The following CNTNAP3B variants were observed in gnomAD, a reference collection of about 807,000 sequenced individuals.
CNTNAP3B encodes contactin associated protein family member 3B.
A neutral mutation model predicts 108.9 loss-of-function variants in CNTNAP3B; 25 were observed. The observed-to-expected ratio is 0.23, with a 90% CI of 0.17 to 0.32. The LOEUF is 0.32. CNTNAP3B is among the 10% of genes least tolerant of loss of function. The pLI is 1.00. For synonymous variants in CNTNAP3B, 103 were observed against 473.4 expected (o/e 0.22, Z 10.16); for missense variants, 252 against 1,210.4 (o/e 0.21, Z 11.75).
intron 2 of CNTNAP3B, among the ~76,000 whole-genome samples, chr9:42,100,118 C>A (rs572522267): frequency 0.064 from 2,931 of 45,718 alleles, 906 homozygotes; most frequent in Middle Eastern, 0.14. Context: ...CTATTAATTC[C>A]TCTCTGACTC....
chr9:42,055,785 T>A (rs796895483), intron 3 of CNTNAP3B, among the ~76,000 whole-genome samples: 9 of 107,504 alleles, frequency 8.4e-5, no homozygotes, highest in East Asian at 3.0e-4. Context: ...ATGTGCACAC[T>A]TGAAACAGAC....
intron 11 of CNTNAP3B, among the ~76,000 whole-genome samples, chr9:41,964,321 C>A (rs1446470092): frequency 5.3e-5 from 8 of 152,124 alleles, no homozygotes; most frequent in East Asian, 1.9e-4. Context: ...TTGCCAGTTT[C>A]TTTTTTTCAA....
chr9:42,016,885 T>C (rs1437853309), intron 3 of CNTNAP3B, among the ~76,000 whole-genome samples: 1 of 151,234 alleles, frequency 6.6e-6, no homozygotes, highest in Non-Finnish European at 1.5e-5. Context: ...TTATAAATCA[T>C]TTATTTTTTA....
At chr9:42,076,840 GGTA>G (rs1827503146) in intron 3 of CNTNAP3B, 26 bp downstream of exon 3, 1 of 1,537,854 alleles carries the variant, frequency 6.5e-7, no homozygotes, top group Admixed American at 1.8e-5. Context: ...TGCAGCAATA[GGTA>G]GCAATTATTG....
At chr9:42,024,194 TA>T (rs1214797844) in intron 3 of CNTNAP3B, among the ~76,000 whole-genome samples, 2 of 128,710 alleles carry the variant, frequency 1.6e-5, no homozygotes, top group East Asian at 2.7e-4. Context: ...TTTTCCTAAT[TA>T]AAAAATGTAT....
At chr9:42,028,687 AT>A (rs1263531146) in intron 3 of CNTNAP3B, among the ~76,000 whole-genome samples, 1 of 150,046 alleles carries the variant, frequency 6.7e-6, no homozygotes, top group East Asian at 1.9e-4. Context: ...TCAAATTAGA[AT>A]TTTTAAATAT....
intron 3 of CNTNAP3B, among the ~76,000 whole-genome samples, chr9:42,056,514 C>T (rs1416764564): frequency 1.5e-5 from 2 of 137,540 alleles, no homozygotes; most frequent in Non-Finnish European, 3.1e-5. Context: ...CCACACCTGG[C>T]TAATTTTTTG....
At chr9:41,970,957 A>T (rs1401083312) in intron 9 of CNTNAP3B, among the ~76,000 whole-genome samples, 6 of 151,078 alleles carry the variant, frequency 4.0e-5, no homozygotes, top group African/African-American at 1.5e-4. Flanking sequence ...AAAAATTTGC[A>T]GTCCAGAATG....
At chr9:41,948,312 G>A (rs796856480) in intron 13 of CNTNAP3B, among the ~76,000 whole-genome samples, 20 of 152,116 alleles carry the variant, frequency 1.3e-4, no homozygotes, top group South Asian at 4.2e-4. Flanking sequence ...GGCAGGTCTC[G>A]AACTCCTGAC....
At chr9:42,086,334 G>A (rs1466814704) in intron 2 of CNTNAP3B, among the ~76,000 whole-genome samples, 1 of 134,588 alleles carries the variant, frequency 7.4e-6, no homozygotes, top group Non-Finnish European at 1.6e-5. Context: ...ATCTGAGTGG[G>A]GACACAGCCA....
intron 14 of CNTNAP3B, among the ~76,000 whole-genome samples, chr9:41,936,159 C>G (rs1319477549): frequency 1.3e-5 from 2 of 152,304 alleles, no homozygotes; most frequent in African/African-American, 4.8e-5. Context: ...CGGCTGTAAT[C>G]CCAGTTACTC....
chr9:42,003,416 G>A lies in CNTNAP3B; in HGVS notation c.539-4812C>T, dbSNP rs1271861079. ...TTACAAAAGAAAAAAAAAAAAACAC[G>A]ATTCCACAGAAATTTTCTTAAAGTG... On this transcript the variant is annotated intron_variant, in intron 4 of 23. Transcript: ENST00000377561. 1.3e-4 allele frequency among the ~76,000 whole-genome samples: 11 copies of A among 87,412 alleles called. 1 individual carries two copies. Among genetic ancestry groups the A allele is most frequent in the African/African-American group, 3.1e-4 (8 of 25,812 alleles). 57.3% of individuals were successfully genotyped at this position (87,412 alleles called of 152,430 possible).
chr9:41,972,868 G>A lies in CNTNAP3B; in HGVS notation c.1478-2623C>T, dbSNP rs533593849. Among the ~76,000 whole-genome samples, 93 of 134,702 alleles carry A rather than the reference G, an allele frequency of 6.9e-4. 11 individuals are homozygous for A. The highest frequency in any genetic ancestry group is 2.7e-3 in the African/African-American group (91 of 34,182). The allele number at this position is 134,702 out of a possible 152,430, so 88.4% of individuals were successfully genotyped here. On this transcript the variant is annotated intron_variant, in intron 9 of 23. Transcript: ENST00000377561. ...AAATATTTTCCAGTAATGAATTATA[G>A]GAATATCAACAGTTCTGCTAATCTT...
chr9:41,930,578 C>T (rs951228523), intron 14 of CNTNAP3B, among the ~76,000 whole-genome samples: 3 of 151,774 alleles, frequency 2.0e-5, no homozygotes, highest in Non-Finnish European at 3.0e-5. Flanking sequence ...ACCCCAAACA[C>T]TCAGCGCTCA....
intron 11 of CNTNAP3B, among the ~76,000 whole-genome samples, chr9:41,961,553 C>T (rs1587150686): frequency 6.6e-6 from 1 of 152,304 alleles, no homozygotes; most frequent in Non-Finnish European, 1.5e-5. Flanking sequence ...TTCCCATAAG[C>T]ATTCTGTAAA....
intron 10 of CNTNAP3B, among the ~76,000 whole-genome samples, chr9:41,966,523 A>G: frequency 6.6e-6 from 1 of 152,356 alleles, no homozygotes; most frequent in Middle Eastern, 3.4e-3. Context: ...CCTGGTCAGC[A>G]CAGCCAGGTG....
chr9:42,012,024 C>G (rs1207012835), intron 4 of CNTNAP3B, among the ~76,000 whole-genome samples: 1 of 98,232 alleles, frequency 1.0e-5, no homozygotes, highest in Non-Finnish European at 2.2e-5. Context: ...GCCCACCGGC[C>G]CTTCCTGGAA....
intron 2 of CNTNAP3B, among the ~76,000 whole-genome samples, chr9:42,103,286 T>A (rs1366891067): frequency 6.8e-6 from 1 of 147,280 alleles, no homozygotes; most frequent in Non-Finnish European, 1.5e-5. Flanking sequence ...AACAGAAAAA[T>A]GAAAAGTTAA....
At chr9:41,937,168 C>T (rs1824184417) in intron 14 of CNTNAP3B, among the ~76,000 whole-genome samples, 1 of 148,266 alleles carries the variant, frequency 6.7e-6, no homozygotes, top group Non-Finnish European at 1.5e-5. Flanking sequence ...TGCTCTGTCG[C>T]CCAGGCTGGA....
Sources: allele counts gnomAD v4.1 joint callset (sites outside exome capture counted in the v4.1 genomes callset), GRCh38; gene constraint gnomAD v4.1.1; transcripts MANE v1.5; gene names NCBI Gene and HGNC (gene_info 2026-07-23, HGNC 2026-07-21).